The following CTNNA3 variants were observed in gnomAD, a reference collection of about 807,000 sequenced individuals.
The protein encoded by CTNNA3 is catenin alpha 3.
CTNNA3 carries 76 observed loss-of-function variants against 95.7 expected under a neutral mutation model. The ratio of observed to expected loss-of-function variants is 0.79; its 90% confidence interval spans 0.66 to 0.96. The LOEUF (loss-of-function observed/expected upper bound fraction) is 0.96, where lower values mean the gene tolerates loss of function less well. Among genes scored for constraint, CTNNA3 ranks in the 40% least tolerant of loss-of-function variants. The pLI, the probability that CTNNA3 is intolerant of heterozygous loss-of-function variation, is 0.00. For synonymous variants in CTNNA3, 431 were observed against 374.4 expected (o/e 1.15, Z -1.74); for missense variants, 1,191 against 1,089.8 (o/e 1.09, Z -1.31).
At chr10:66,370,025 T>C (rs7908379) in intron 12 of CTNNA3, among the ~76,000 whole-genome samples, 76,425 of 151,904 alleles carry the variant, frequency 0.5, 22,470 homozygotes, top group Non-Finnish European at 0.66. Flanking sequence ...TTCTGCTGCC[T>C]GCACCAATTA....
chr10:66,926,888 G>A lies in CTNNA3; in HGVS notation c.1048-151364C>T, dbSNP rs749939934. 2.6e-6 allele frequency: 4 copies of A among 1,520,442 alleles called. No individual in the cohort carries two copies. The African/African-American group carries it at 5.6e-5, about 21-fold the overall frequency. The allele number at this position is 1,520,442 out of a possible 1,614,324, so 94.2% of individuals were successfully genotyped here. On this transcript the variant is annotated intron_variant, in intron 7 of 17. Transcript: ENST00000433211. The stretch of plus-strand genomic sequence containing the variant: ...GATTAAGGATTAATTCTTTTTTGGG[G>A]GGATAACTTTTCTAAGTTGTTTTTA...
At position 66,232,896 on chromosome 10, in the gene CTNNA3, G is replaced by A. The variant is rs568616245; in HGVS notation, c.1884+47574C>T. ...TTTCAGGCCAGGCGCGGTGGCTCAC[G>A]CCTGTAATCCCAGCATTTTGGGAGG... On this transcript the variant is annotated intron_variant, in intron 13 of 17. Transcript: ENST00000433211. Among the ~76,000 whole-genome samples the A allele has an allele frequency of 3.9e-5, 6 of 152,118 alleles. No individual in the cohort carries two copies. The East Asian group carries it at 5.8e-4, about 15-fold the overall frequency.
At chr10:66,430,766 G>A (rs999893981) in intron 11 of CTNNA3, among the ~76,000 whole-genome samples, 63 of 152,060 alleles carry the variant, frequency 4.1e-4, no homozygotes, top group African/African-American at 1.5e-3. Flanking sequence ...GATGGATTAA[G>A]GACTTAAATG....
intron 7 of CTNNA3, among the ~76,000 whole-genome samples, chr10:66,951,355 A>T (rs1188561409): frequency 6.6e-6 from 1 of 152,106 alleles, no homozygotes; most frequent in African/African-American, 2.4e-5. Context: ...ACCTCAGATG[A>T]TCCATCCGCC....
chr10:67,014,533 T>A (rs1190194994), intron 7 of CTNNA3, among the ~76,000 whole-genome samples: 1 of 152,194 alleles, frequency 6.6e-6, no homozygotes, highest in Admixed American at 6.5e-5. Flanking sequence ...GAGAAGATAC[T>A]GTTCCTATGA....
chr10:66,592,034 T>C (rs1843568989), intron 10 of CTNNA3, among the ~76,000 whole-genome samples: 1 of 151,756 alleles, frequency 6.6e-6, no homozygotes, highest in Admixed American at 6.6e-5. Flanking sequence ...TTAATTGGAA[T>C]GTAGACTTTA....
rs75666657 is a variant in CTNNA3, at chr10:67,274,257, T to C, written c.580-54387A>G. Among the ~76,000 whole-genome samples, 2,821 of 152,146 alleles carry C rather than the reference T, an allele frequency of 0.019. 233 individuals are homozygous for C. In the East Asian group the frequency reaches 0.25, roughly 14 times the overall value. Reference sequence around the variant, plus strand: ...TGGAAGAAGAGTTACAAAGCAGATATTAAATAAAAGAATGTTGAATAAGTT... The same window carrying C: ...TGGAAGAAGAGTTACAAAGCAGATACTAAATAAAAGAATGTTGAATAAGTT... On this transcript the variant is annotated intron_variant, in intron 5 of 17. Transcript: ENST00000433211.
At chr10:66,305,945 G>A (rs572484083) in intron 12 of CTNNA3, among the ~76,000 whole-genome samples, 70 of 152,276 alleles carry the variant, frequency 4.6e-4, no homozygotes, top group African/African-American at 1.6e-3. Context: ...AGAATGTTGA[G>A]TGAACAGTAT....
At chr10:66,753,589 G>A (rs781540829) in intron 9 of CTNNA3, among the ~76,000 whole-genome samples, 4 of 151,734 alleles carry the variant, frequency 2.6e-5, no homozygotes, top group African/African-American at 4.8e-5. Context: ...TTGAACCTGG[G>A]AGGCAGAAGT....
intron 13 of CTNNA3, among the ~76,000 whole-genome samples, chr10:66,262,281 T>C (rs2132104374): frequency 6.6e-6 from 1 of 152,170 alleles, no homozygotes; most frequent in East Asian, 1.9e-4. Flanking sequence ...TGATGCAACT[T>C]TTACAGCATC....
chr10:66,871,066 C>A (rs1844382677), intron 7 of CTNNA3, among the ~76,000 whole-genome samples: 1 of 152,104 alleles, frequency 6.6e-6, no homozygotes, highest in Admixed American at 6.6e-5. Context: ...TTTTGCTCTG[C>A]TGGTTTTGTT....
chr10:67,138,878 G>A (rs953137547), intron 7 of CTNNA3, among the ~76,000 whole-genome samples: 2 of 152,104 alleles, frequency 1.3e-5, no homozygotes, highest in Non-Finnish European at 2.9e-5. Context: ...TCCATCTATA[G>A]GGGTAGGGAC....
At chr10:66,863,000 C>T (rs1054617781) in intron 7 of CTNNA3, among the ~76,000 whole-genome samples, 2 of 152,024 alleles carry the variant, frequency 1.3e-5, no homozygotes, top group Non-Finnish European at 2.9e-5. Flanking sequence ...ACTGAAACAT[C>T]AGCTCTGCTT....
intron 5 of CTNNA3, among the ~76,000 whole-genome samples, chr10:67,479,667 A>G (rs1848144546): frequency 6.6e-6 from 1 of 152,156 alleles, no homozygotes; most frequent in South Asian, 2.1e-4. Flanking sequence ...CTAACATGAC[A>G]CCTAGAGGAA....
intron 14 of CTNNA3, among the ~76,000 whole-genome samples, chr10:66,092,724 G>A (rs1462834): frequency 1.3e-5 from 2 of 151,352 alleles, no homozygotes; most frequent in East Asian, 1.9e-4. Context: ...GGTGGAAAAC[G>A]GGCATTTTTG....
At chr10:67,062,114 T>C (rs1855790436) in intron 7 of CTNNA3, among the ~76,000 whole-genome samples, 1 of 152,132 alleles carries the variant, frequency 6.6e-6, no homozygotes, top group South Asian at 2.1e-4. Context: ...ATATATACAT[T>C]ATCTCTTAGG....
At chr10:66,379,035 G>T in intron 12 of CTNNA3, 117 bp downstream of exon 12, 2 of 822,786 alleles carry the variant, frequency 2.4e-6, no homozygotes, top group Non-Finnish European at 4.0e-6. Flanking sequence ...GCACTGTATA[G>T]CAATGTATGT....
intron 14 of CTNNA3, among the ~76,000 whole-genome samples, chr10:66,097,002 T>A (rs2133716635): frequency 6.6e-6 from 1 of 152,282 alleles, no homozygotes; most frequent in African/African-American, 2.4e-5. Flanking sequence ...TGGGTCAACT[T>A]TTCGGTGATG....
chr10:67,755,331 A>G (rs1305206075), intron 1 of CTNNA3, among the ~76,000 whole-genome samples: 3 of 152,192 alleles, frequency 2.0e-5, no homozygotes. Context: ...TTCTTATAAA[A>G]AAGACAAGCA....
Sources: allele counts gnomAD v4.1 joint callset (sites outside exome capture counted in the v4.1 genomes callset), GRCh38; gene constraint gnomAD v4.1.1; transcripts MANE v1.5; gene names NCBI Gene and HGNC (gene_info 2026-07-23, HGNC 2026-07-21).